Variants in TUBA1B observed in about 807,000 individuals in gnomAD.
TUBA1B encodes the protein tubulin alpha 1b.
A neutral mutation model predicts 34.4 loss-of-function variants in TUBA1B; 1 was observed. The ratio of observed to expected loss-of-function variants is 0.03; its 90% CI spans 0.01 to 0.14. The LOEUF (loss-of-function observed/expected upper bound fraction) is 0.14. TUBA1B is among the 10% of genes least tolerant of loss of function. The probability of loss-of-function intolerance (pLI) is 1.00; values close to 1 mark genes in which losing one functional copy is unlikely to be tolerated. For synonymous variants in TUBA1B, 197 were observed against 212.5 expected, an observed-to-expected ratio of 0.93 and a Z score of 0.64; for missense variants, 54 against 583.6, an observed-to-expected ratio of 0.09 and a Z score of 9.35.
intron 3 of TUBA1B, 76 bp downstream of exon 3, chr12:49,129,166 T>G: frequency 6.2e-7 from 1 of 1,610,236 alleles, no homozygotes; most frequent in East Asian, 2.2e-5. Context: ...AAAGAATGAA[T>G]GATGTCAGTC....
Position 49,130,664 on chromosome 12 carries a change from T to C in TUBA1B, c.3+634A>G, listed in dbSNP as rs186604358. 603 of 320,690 alleles carry C rather than the reference T, an allele frequency of 1.9e-3. 6 individuals carry two copies. Among genetic ancestry groups the C allele is most frequent in the African/African-American group, 0.012 (556 of 46,464 alleles). The allele number at this position is 320,690 out of a possible 1,614,324, so 19.9% of individuals were successfully genotyped here. A position where few individuals can be genotyped will look rare whatever the true frequency, so the allele number is the denominator to read the frequency against. ...GACTGTTGTGTACGAACTGTCGTAA[T>C]ACACTGGTGTAGAGCGGTACATTGA... On this transcript the variant is annotated intron_variant, in intron 1 of 3. Coordinates refer to ENST00000336023, the MANE Select transcript of TUBA1B (RefSeq NM_006082.3).
chr12:49,130,364 A>T, intron 1 of TUBA1B: 1 of 1,289,048 alleles, frequency 7.8e-7, no homozygotes, highest in Non-Finnish European at 1.0e-6. Flanking sequence ...AGGATGAATG[A>T]GCAATTCCGG....
At position 49,129,558 on chromosome 12, in the gene TUBA1B, C is replaced by G. The variant is rs368098763; in HGVS notation, c.168G>C (p.Thr56=). 6 of 1,614,182 alleles carry G rather than the reference C, an allele frequency of 3.7e-6. No homozygotes were observed. Among genetic ancestry groups the G allele is most frequent in the Non-Finnish European group, 4.2e-6 (5 of 1,180,030 alleles). Residue 56 remains threonine, a synonymous_variant, in exon 2 of 4, where the codon ACG becomes ACC. Transcript: ENST00000336023. ...DDSFNTFFSE[T]GAGKHVPRAV... is the part of the protein sequence containing the mutation. ...CCCGGGGCACGTGCTTGCCAGCGCCCGTCTCACTGAAGAAGGTGTTGAAGG... is the reference window on the plus strand; with the variant it reads ...CCCGGGGCACGTGCTTGCCAGCGCCGGTCTCACTGAAGAAGGTGTTGAAGG...
Position 49,128,365 on chromosome 12 carries a change from G to A in TUBA1B, c.949C>T (p.Leu317=), listed in dbSNP as rs1428324464. The change falls in exon 4 of 4, where the codon CTG becomes TTG. Residue 317 remains leucine (L), a synonymous_variant. Transcript: ENST00000336023. This position sits in a 1 kb window ranked among gnomAD's most constrained non-coding sequence, Gnocchi z 8.1. ...PRHGKYMACC[L]LYRGDVVPKD... ...GGAACCACGTCACCACGGTACAACA[G>A]GCAGCAAGCCATGTATTTACCATGG... The A allele has an allele frequency of 6.2e-7, 1 of 1,613,964 alleles. No individual in the cohort carries two copies. The highest frequency in any genetic ancestry group is 1.7e-5 in the Admixed American group (1 of 60,016).
chr12:49,130,477 G>A, intron 1 of TUBA1B: 2 of 656,660 alleles, frequency 3.0e-6, no homozygotes, highest in Non-Finnish European at 4.7e-6. Flanking sequence ...TGCCGGCATC[G>A]GGCTCAGCCT....
intron 1 of TUBA1B, chr12:49,130,991 G>A (rs1941799800): frequency 5.8e-6 from 2 of 347,668 alleles, no homozygotes; most frequent in Non-Finnish European, 5.5e-6. Flanking sequence ...GGGACTCGAG[G>A]GACCGCACCC....
At position 49,128,246 on chromosome 12, in the gene TUBA1B, G is replaced by A. The variant is rs706799; in HGVS notation, c.1068C>T (p.Asn356=). The A allele has an allele frequency of 1.9e-6, 3 of 1,614,196 alleles. No homozygotes were observed. Among genetic ancestry groups the A allele is most frequent in the East Asian group, 4.5e-5 (2 of 44,890 alleles). ...CAGGCACCACAGTGGGAGGCTGGTAGTTGATGCCAACCTTGAAGCCAGTGG... is the reference window on the plus strand; with the variant it reads ...CAGGCACCACAGTGGGAGGCTGGTAATTGATGCCAACCTTGAAGCCAGTGG... The part of the protein sequence containing the change: ...WCPTGFKVGI[N]YQPPTVVPGG... Residue 356 remains asparagine (N), a synonymous_variant, in exon 4 of 4, where the codon AAC becomes AAT. Transcript: ENST00000336023. The surrounding 1 kb of genome is among the most constrained non-coding windows in gnomAD (Gnocchi z 8.1).
chr12:49,131,087 A>T, intron 1 of TUBA1B: 1 of 542,520 alleles, frequency 1.8e-6, no homozygotes, highest in East Asian at 3.1e-5. Flanking sequence ...CCGAGAAGAA[A>T]TCCTGGCGCC....
At chr12:49,129,930 A>T (rs1476137) in intron 1 of TUBA1B, 1 of 1,047,496 alleles carries the variant, frequency 9.5e-7, no homozygotes, top group Non-Finnish European at 1.3e-6. Context: ...ACAGGCACAG[A>T]CCACCAAGCT....
At chr12:49,129,472 G>A in intron 2 of TUBA1B, 28 bp downstream of exon 2, 1 of 1,613,770 alleles carries the variant, frequency 6.2e-7, no homozygotes, top group Non-Finnish European at 8.5e-7. Flanking sequence ...CAGCATCCTG[G>A]GATCTCAGGT....
At position 49,127,911 on chromosome 12, in the gene TUBA1B, G is replaced by A. The variant is rs1398805358; in HGVS notation, c.*47C>T. ...AACGTCTGTCAGTTAAGCTGAAGCT[G>A]AAATTCTGGGAGCATGACATGCTGC... On this transcript the variant is annotated 3_prime_UTR_variant, in exon 4 of 4. Coordinates refer to ENST00000336023, the MANE Select transcript of TUBA1B (RefSeq NM_006082.3). 1.2e-6 allele frequency: 2 copies of A among 1,613,556 alleles called. No individual in the cohort carries two copies. Among genetic ancestry groups the A allele is most frequent in the Admixed American group, 1.7e-5 (1 of 59,970 alleles).
chr12:49,127,918 T>C lies in TUBA1B; in HGVS notation c.*40A>G. On this transcript the variant is annotated 3_prime_UTR_variant, in exon 4 of 4. Coordinates refer to ENST00000336023, the MANE Select transcript of TUBA1B (RefSeq NM_006082.3). ...GTCAGTTAAGCTGAAGCTGAAATTCTGGGAGCATGACATGCTGCAGGGCCA... is the reference window on the plus strand; with the variant it reads ...GTCAGTTAAGCTGAAGCTGAAATTCCGGGAGCATGACATGCTGCAGGGCCA... The C allele has an allele frequency of 6.2e-7, 1 of 1,613,802 alleles. No individual in the cohort carries two copies. The highest frequency in any genetic ancestry group is 8.5e-7 in the Non-Finnish European group (1 of 1,179,754).
At chr12:49,130,235 A>G (rs1941786389) in intron 1 of TUBA1B, 4 of 1,286,754 alleles carry the variant, frequency 3.1e-6, no homozygotes, top group Non-Finnish European at 3.0e-6. Context: ...AGGCCCCAGA[A>G]GCCCACTTTA....
At chr12:49,130,492 C>T (rs1200963427) in intron 1 of TUBA1B, 3 of 492,940 alleles carry the variant, frequency 6.1e-6, no homozygotes, top group Non-Finnish European at 1.0e-5. Flanking sequence ...CAGCCTAACA[C>T]CTCCACAGCA....
At chr12:49,130,965 G>A (rs571947309) in intron 1 of TUBA1B, 3 of 262,698 alleles carry the variant, frequency 1.1e-5, no homozygotes, top group Non-Finnish European at 2.3e-5. Flanking sequence ...AAGGGCATGC[G>A]CTGGAAAGGA....
chr12:49,129,992 G>A, intron 1 of TUBA1B: 1 of 1,010,660 alleles, frequency 9.9e-7, no homozygotes, highest in East Asian at 2.8e-5. Flanking sequence ...GTGTTACCTA[G>A]GCTACTCACG....
chr12:49,131,141 T>C, intron 1 of TUBA1B, 157 bp downstream of exon 1: 1 of 871,184 alleles, frequency 1.1e-6, no homozygotes, highest in East Asian at 2.9e-5. Flanking sequence ...CACCGAGGTC[T>C]CACCACTCCC....
intron 1 of TUBA1B, 142 bp from the exon 2 acceptor site, chr12:49,129,864 A>T: frequency 7.2e-7 from 1 of 1,379,944 alleles, no homozygotes; most frequent in Non-Finnish European, 9.8e-7. Context: ...ATCTAGGCTC[A>T]CTGCAGCCTA....
Position 49,131,352 on chromosome 12 carries a change from G to T in TUBA1B, c.-52C>A. On this transcript the variant is annotated 5_prime_UTR_variant, in exon 1 of 4. Transcript: ENST00000336023. ...CGACAGGAGCAGACACCGGGTCCCG[G>T]TTACCGTCCCCGACAAGCTAAGAGT... The T allele has an allele frequency of 6.2e-7, 1 of 1,605,432 alleles. No homozygotes were observed. Among genetic ancestry groups the T allele is most frequent in the Non-Finnish European group, 8.5e-7 (1 of 1,175,702 alleles).
Sources: gnomAD v4.1 joint callset for allele counts on GRCh38, gnomAD v4.1.1 for gene constraint, Gnocchi (gnomAD v3.1) non-coding constraint, MANE v1.5 for transcripts, NCBI Gene and HGNC (gene_info 2026-07-23, HGNC 2026-07-21) for gene names.